ARID1A: variants seen among roughly 807,000 people sequenced by gnomAD.
The protein encoded by ARID1A is AT-rich interactive domain-containing protein 1A.
A neutral mutation model predicts 212.6 loss-of-function variants in ARID1A; 20 were observed. That is an observed-to-expected ratio of 0.09 (90% confidence interval 0.07 to 0.14). The LOEUF is 0.14. Among genes scored for constraint, ARID1A ranks in the 10% least tolerant of loss-of-function variants. The pLI is 1.00. For missense variants in ARID1A, 2,587 were observed against 3,059.0 expected (o/e 0.85, Z 3.64); for synonymous variants, 1,376 against 1,222.1 (o/e 1.13, Z -2.63).
At chr1:26,765,874 A>T (rs554883875) in intron 8 of ARID1A, 187 of 182,068 alleles carry the variant, frequency 1.0e-3, no homozygotes, top group African/African-American at 4.3e-3. Context: ...CAAAAAAAAA[A>T]AAAAGAAAAT....
In ARID1A at chr1:26,729,648, T is replaced by C; in HGVS notation, c.1138-3T>C. 6.2e-7 allele frequency: 1 copy of C among 1,613,938 alleles called. No individual in the cohort carries two copies. On this transcript the variant is annotated splice_polypyrimidine_tract_variant and splice_region_variant and intron_variant, in intron 1 of 19. Coordinates refer to ENST00000324856, the MANE Select transcript of ARID1A (RefSeq NM_006015.6). ...GGTTAATGAAATGCTCTTTATTTTGTAGCCATCCAGTCCAATGGATCAGAT... is the reference window on the plus strand; with the variant it reads ...GGTTAATGAAATGCTCTTTATTTTGCAGCCATCCAGTCCAATGGATCAGAT...
Position 26,697,509 on chromosome 1 carries a change from G to T in ARID1A, c.1106G>T (p.Gly369Val). The change falls in exon 1 of 20, where the codon GGC becomes GTC. Residue 369 changes from glycine (G) to valine (V), a missense_variant. Gly to Val is a moderately radical substitution (Grantham distance 109, BLOSUM62 -3). Coordinates refer to ENST00000324856, the MANE Select transcript of ARID1A (RefSeq NM_006015.6). ...CCCATGAGCCCCGGGAGCAGCGGCG[G>T]CGGGGGGCAGCCGCTCGCCCGGACC... is the stretch of plus-strand genomic sequence containing the variant. ...HAPMSPGSSG[G>V]GGQPLARTPQ... is the part of the protein sequence containing the mutation. 7.1e-7 allele frequency: 1 copy of T among 1,406,566 alleles called. No individual in the cohort carries two copies. The highest frequency in any genetic ancestry group is 1.5e-5 in the South Asian group (1 of 65,808). 87.1% of individuals were successfully genotyped at this position (1,406,566 alleles called of 1,614,324 possible).
rs952704646 is a variant in ARID1A at position 26,707,202 on chromosome 1, T to A, written c.1137+9662T>A. ...GCATGCGCCACCGCGGCTGGCTAAT[T>A]TTTTTTTTTTTTTTTTTTTTTTTTG... On this transcript the variant is annotated intron_variant, in intron 1 of 19. Transcript: ENST00000324856. 5.3e-5 allele frequency among the ~76,000 whole-genome samples: 7 copies of A among 131,932 alleles called. No individual in the cohort carries two copies. The South Asian group carries it at 1.6e-3, about 31-fold the overall frequency. 86.6% of individuals were successfully genotyped at this position (131,932 alleles called of 152,430 possible). A position where few individuals can be genotyped will look rare whatever the true frequency, so the allele number is the denominator to read the frequency against.
intron 4 of ARID1A, among the ~76,000 whole-genome samples, chr1:26,744,040 G>C (rs1013244134): frequency 6.6e-6 from 1 of 152,042 alleles, no homozygotes; most frequent in Non-Finnish European, 1.5e-5. Flanking sequence ...TTGAATTATA[G>C]CCCAGGTGCT....
Position 26,774,457 on chromosome 1 carries a change from C to G in ARID1A, c.4230C>G (p.Pro1410=). The G allele has an allele frequency of 1.2e-6, 2 of 1,613,762 alleles. No individual in the cohort carries two copies. The highest frequency in any genetic ancestry group is 1.7e-6 in the Non-Finnish European group (2 of 1,179,834). Residue 1410 remains proline, a synonymous_variant, in exon 18 of 20, where the codon CCC becomes CCG. Coordinates refer to ENST00000324856, the MANE Select transcript of ARID1A (RefSeq NM_006015.6). The surrounding 1 kb of genome is among the most constrained non-coding windows in gnomAD (Gnocchi z 5.6). ...PQQQQLPPAQ[P]QPASQQQAAQ... is the part of the protein sequence containing the mutation. Reference sequence around the variant, plus strand: ...AGCAGCAGTTGCCCCCAGCCCAGCCCCAGCCTGCCAGCCAGCAACAAGCTG... The same window carrying G: ...AGCAGCAGTTGCCCCCAGCCCAGCCGCAGCCTGCCAGCCAGCAACAAGCTG...
intron 1 of ARID1A, among the ~76,000 whole-genome samples, chr1:26,712,406 C>G (rs2080463142): frequency 6.6e-6 from 1 of 151,920 alleles, no homozygotes. Flanking sequence ...GTAAGTAGGC[C>G]GAGAGCAGTG....
chr1:26,758,279 A>T (rs1423615391), intron 4 of ARID1A, among the ~76,000 whole-genome samples: 4 of 152,126 alleles, frequency 2.6e-5, no homozygotes, highest in Non-Finnish European at 5.9e-5. Flanking sequence ...CCATGGTATA[A>T]CTTAGCCATC....
intron 2 of ARID1A, among the ~76,000 whole-genome samples, 168 bp downstream of exon 2, chr1:26,730,031 G>A (rs1012198717): frequency 3.3e-5 from 5 of 152,196 alleles, no homozygotes; most frequent in African/African-American, 7.2e-5. Context: ...TATAGGCACC[G>A]TTCCATGTGT....
intron 1 of ARID1A, among the ~76,000 whole-genome samples, chr1:26,710,298 G>C (rs537210201): frequency 6.6e-6 from 1 of 151,554 alleles, no homozygotes; most frequent in African/African-American, 2.4e-5. Context: ...GCTAGGCGTG[G>C]TGGCGGATGC....
rs1396161460 is a variant in ARID1A at position 26,752,665 on chromosome 1, G to GT, written c.1921-8190dup. ...TGGGTTATGTTTCCCAGTCTCTTCT[G>GT]TGTTCTTCAGGATTTCCTCCCATTC... On this transcript the variant is annotated intron_variant, in intron 4 of 19. Transcript: ENST00000324856. 1.3e-5 allele frequency among the ~76,000 whole-genome samples: 2 copies of GT among 152,250 alleles called. 1 individual carries two copies. Among genetic ancestry groups the GT allele is most frequent in the South Asian group, 4.1e-4 (2 of 4,828 alleles).
intron 1 of ARID1A, among the ~76,000 whole-genome samples, chr1:26,727,111 A>T (rs1204021988): frequency 6.6e-6 from 1 of 152,216 alleles, no homozygotes; most frequent in Non-Finnish European, 1.5e-5. Flanking sequence ...ATTACTGATA[A>T]TCGCTACCAT....
In ARID1A at chr1:26,774,294, A is replaced by G; in HGVS notation, c.4102-35A>G. The G allele has an allele frequency of 1.3e-6, 2 of 1,516,628 alleles. No homozygotes were observed. Among genetic ancestry groups the G allele is most frequent in the Non-Finnish European group, 1.8e-6 (2 of 1,132,992 alleles). 93.9% of individuals were successfully genotyped at this position (1,516,628 alleles called of 1,614,324 possible). A position where few individuals can be genotyped will look rare whatever the true frequency, so the allele number is the denominator to read the frequency against. On this transcript the variant is annotated intron_variant, in intron 17 of 19. Transcript: ENST00000324856. The surrounding 1 kb of genome is among the most constrained non-coding windows in gnomAD (Gnocchi z 5.6). ...GTGGGCTTTATGTCCCTGAGTGCAG[A>G]GTATTAACTTCCCCTCTGCTTGTCT... is the stretch of plus-strand genomic sequence containing the variant.
rs906618579 is a variant in ARID1A, at chr1:26,780,668, G to A, written c.6770G>A (p.Arg2257Gln). The A allele has an allele frequency of 3.7e-6, 6 of 1,607,564 alleles. No individual in the cohort carries two copies. The highest frequency in any genetic ancestry group is 2.7e-5 in the African/African-American group (2 of 74,896). The change falls in exon 20 of 20, where the codon CGG becomes CAG. Residue 2257 changes from arginine (R) to glutamine (Q), a missense_variant. Arg to Gln is a conservative substitution (Grantham distance 43). Around this residue, in one of 11 missense-constraint regions of ARID1A, gnomAD observed 1 missense variants for 20.3 expected, o/e 0.05. Transcript: ENST00000324856. This position sits in a 1 kb window ranked among gnomAD's most constrained non-coding sequence, Gnocchi z 7.2. ...NHSEFTLYES[R>Q]LLDISVSPLM... ...TCAGAGTTTACTCTGTACGAATCAC[G>A]GCTGTTGGACATCTCGGTATCACCG...
intron 3 of ARID1A, among the ~76,000 whole-genome samples, chr1:26,732,063 G>A (rs1008602890): frequency 2.0e-5 from 3 of 152,132 alleles, no homozygotes; most frequent in Non-Finnish European, 4.4e-5. Context: ...CACCAGAGCT[G>A]ATACCACATT....
intron 4 of ARID1A, among the ~76,000 whole-genome samples, chr1:26,752,783 T>C (rs2124024092): frequency 6.6e-6 from 1 of 152,278 alleles, no homozygotes; most frequent in African/African-American, 2.4e-5. Context: ...TTTATTCAAG[T>C]ATTGTCATTT....
intron 4 of ARID1A, among the ~76,000 whole-genome samples, chr1:26,758,693 A>G (rs191126016): frequency 3.9e-5 from 6 of 152,112 alleles, no homozygotes; most frequent in Admixed American, 3.9e-4. Context: ...GGGGCTCTTC[A>G]TAGCTCCAGG....
At chr1:26,701,883 G>A (rs1186657492) in intron 1 of ARID1A, among the ~76,000 whole-genome samples, 1 of 152,170 alleles carries the variant, frequency 6.6e-6, no homozygotes, top group Non-Finnish European at 1.5e-5. Context: ...CATTCCACCT[G>A]GCTGGTGGTT....
chr1:26,737,841 G>A (rs541616523), intron 4 of ARID1A, among the ~76,000 whole-genome samples: 1 of 151,460 alleles, frequency 6.6e-6, no homozygotes, highest in African/African-American at 2.4e-5. Flanking sequence ...CTCCAGCCTG[G>A]GCTACAAGAG....
chr1:26,730,427 C>G (rs994997434), intron 2 of ARID1A, among the ~76,000 whole-genome samples: 1 of 152,092 alleles, frequency 6.6e-6, no homozygotes, highest in Non-Finnish European at 1.5e-5. Context: ...TTTGTATTGA[C>G]AAAGTTTTCT....
Sources: gnomAD v4.1 joint callset for allele counts (sites outside exome capture counted in the v4.1 genomes callset) on GRCh38, gnomAD v4.1.1 for gene constraint, gnomAD v4.1.1 regional missense constraint, Gnocchi (gnomAD v3.1) non-coding constraint, MANE v1.5 for transcripts, NCBI Gene and HGNC (gene_info 2026-07-23, HGNC 2026-07-21) for gene names.